Variants in KRT35 observed in about 807,000 individuals in gnomAD.
KRT35 encodes keratin, type I cuticular Ha5.
KRT35 carries 33 observed loss-of-function variants against 42.2 expected under a neutral mutation model. The observed-to-expected ratio is 0.78, with a 90% CI of 0.59 to 1.05. The LOEUF (loss-of-function observed/expected upper bound fraction) is 1.05, where lower values mean the gene tolerates loss of function less well. Among genes scored for constraint, KRT35 ranks in the 50% least tolerant of loss-of-function variants. KRT35 has a pLI of 0.00. For synonymous variants in KRT35, 218 were observed against 238.2 expected, an observed-to-expected ratio of 0.92 and a Z score of 0.78; for missense variants, 585 against 589.2, an observed-to-expected ratio of 0.99 and a Z score of 0.07.
At chr17:41,479,264 C>T in intron 3 of KRT35, 83 bp downstream of exon 3, 6 of 1,320,202 alleles carry the variant, frequency 4.5e-6, no homozygotes, top group Non-Finnish European at 6.0e-6. Context: ...TCACCTCATC[C>T]CCAATGCTCA....
At chr17:41,477,479 T>C (rs570136341) in intron 6 of KRT35, 39 bp downstream of exon 6, 1 of 1,608,056 alleles carries the variant, frequency 6.2e-7, no homozygotes, top group Admixed American at 1.7e-5. Context: ...ACTTGGTAGA[T>C]TGCAGTGAGA....
Position 41,479,752 on chromosome 17 carries a change from C to G in KRT35, c.501G>C (p.Arg167Ser), listed in dbSNP as rs1300471328. Residue 167 changes from arginine to serine, a missense_variant, in exon 2 of 7, where the codon AGG becomes AGC. Arg to Ser is a moderately radical substitution (Grantham distance 110, BLOSUM62 -1). Transcript: ENST00000246639. ...KTLCSKAENARLVVEIDNAKL... is the reference protein window; with the variant it reads ...KTLCSKAENASLVVEIDNAKL... ...TGGCATTGTCAATCTCCACCACCAG[C>G]CTGGCATTCTCAGCCTTGCTGCATA... 6.2e-7 allele frequency: 1 copy of G among 1,614,130 alleles called. No individual in the cohort carries two copies. Among genetic ancestry groups the G allele is most frequent in the East Asian group, 2.2e-5 (1 of 44,884 alleles).
chr17:41,478,364 G>A lies in KRT35; in HGVS notation c.996C>T (p.Ser332=), dbSNP rs1282541150. Residue 332 remains serine, a synonymous_variant, in exon 5 of 7, where the codon AGC becomes AGT. Transcript: ENST00000246639. The part of the protein sequence containing the change: ...ALEIELQAQH[S]MRDALESTLA... ...TCCACCCTGCCTTGGGGCTCACCATGCTGTGCTGAGCCTGCAGCTCAATCT... is the reference window on the plus strand; with the variant it reads ...TCCACCCTGCCTTGGGGCTCACCATACTGTGCTGAGCCTGCAGCTCAATCT... 5 of 1,612,984 alleles carry A rather than the reference G, an allele frequency of 3.1e-6. No individual in the cohort carries two copies. The Admixed American group carries it at 8.3e-5, about 27-fold the overall frequency.
chr17:41,480,012 T>C (rs1390394549), intron 1 of KRT35, among the ~76,000 whole-genome samples: 1 of 152,170 alleles, frequency 6.6e-6, no homozygotes, highest in Admixed American at 6.5e-5. Context: ...GATAGCTGCA[T>C]GAAAATGCAA....
chr17:41,477,297 A>G, intron 6 of KRT35, 94 bp from the exon 7 acceptor site: 1 of 1,456,092 alleles, frequency 6.9e-7, no homozygotes, highest in Non-Finnish European at 9.4e-7. Context: ...GAAGCACCCT[A>G]AAAACCACCT....
intron 4 of KRT35, 62 bp from the exon 5 acceptor site, chr17:41,478,548 A>G: frequency 6.3e-7 from 1 of 1,575,676 alleles, no homozygotes; most frequent in Non-Finnish European, 8.7e-7. Context: ...AGAGAGCTAC[A>G]GAGGCCGGTT....
At chr17:41,478,620 G>C (rs2144471900) in intron 4 of KRT35, 134 bp from the exon 5 acceptor site, 1 of 1,235,028 alleles carries the variant, frequency 8.1e-7, no homozygotes, top group South Asian at 1.5e-5. Flanking sequence ...TTTTATACTG[G>C]AGGGCATTGT....
In KRT35 at chr17:41,478,979, C is replaced by T. The variant is rs761727354; in HGVS notation, c.728G>A (p.Arg243His). The change falls in exon 4 of 7, where the codon CGC becomes CAC. Residue 243 changes from arginine (R) to histidine (H), a missense_variant. Transcript: ENST00000246639. ...KNHEEEVNSL[R>H]CQLGDRLNVE... ...ATTGAGGCGGTCACCAAGTTGGCAG[C>T]GCAGTGAGTTCACTTCCTATAGCAC... The T allele has an allele frequency of 4.6e-5, 75 of 1,613,012 alleles. No individual in the cohort carries two copies. Among genetic ancestry groups the T allele is most frequent in the East Asian group, 8.9e-5 (4 of 44,890 alleles).
At position 41,477,109 on chromosome 17, in the gene KRT35, T is replaced by C. The variant is rs2019181725; in HGVS notation, c.1315A>G (p.Thr439Ala). Residue 439 changes from threonine to alanine, a missense_variant, in exon 7 of 7, where the codon ACA becomes GCA. Transcript: ENST00000246639. ...AASCGPSAAR[T>A]NCSPRPICVP... ...CAAATGGGGCGGGGGCTGCAGTTTGTGCGGGCTGCACTAGGACCGCAGGAG... is the reference window on the plus strand; with the variant it reads ...CAAATGGGGCGGGGGCTGCAGTTTGCGCGGGCTGCACTAGGACCGCAGGAG... 1 of 1,608,984 alleles carries C rather than the reference T, an allele frequency of 6.2e-7. No individual in the cohort carries two copies. The highest frequency in any genetic ancestry group is 1.3e-5 in the African/African-American group (1 of 74,626).
chr17:41,477,779 G>T (rs933609172), intron 5 of KRT35, 41 bp from the exon 6 acceptor site: 10 of 1,583,120 alleles, frequency 6.3e-6, no homozygotes, highest in Non-Finnish European at 8.6e-6. Flanking sequence ...AAAGGCTAGA[G>T]GTCAGAGAAG....
chr17:41,479,025 T>G, intron 3 of KRT35, 30 bp from the exon 4 acceptor site: 1 of 1,588,502 alleles, frequency 6.3e-7, no homozygotes, highest in Non-Finnish European at 8.6e-7. Flanking sequence ...GAGTACTAAT[T>G]CCCAGAGGGC....
Position 41,479,517 on chromosome 17 carries a change from A to G in KRT35, c.555-14T>C. 6.2e-7 allele frequency: 1 copy of G among 1,612,144 alleles called. No individual in the cohort carries two copies. Reference sequence around the variant, plus strand: ...TCCGTCTCATACCTGCAGGCATAGAACAGGGCACCTGAGTCTGCATTTCCT... The same window carrying G: ...TCCGTCTCATACCTGCAGGCATAGAGCAGGGCACCTGAGTCTGCATTTCCT... On this transcript the variant is annotated splice_polypyrimidine_tract_variant and intron_variant, in intron 2 of 6. Coordinates refer to ENST00000246639, the MANE Select transcript of KRT35 (RefSeq NM_002280.6).
chr17:41,478,245 G>T, intron 5 of KRT35, 116 bp downstream of exon 5: 1 of 1,127,554 alleles, frequency 8.9e-7, no homozygotes, highest in Non-Finnish European at 1.2e-6. Context: ...AGAACCCCTG[G>T]TGCTCAAGAA....
chr17:41,479,678 A>T (rs1233879427), intron 2 of KRT35, 21 bp downstream of exon 2: 1 of 1,610,682 alleles, frequency 6.2e-7, no homozygotes, highest in Non-Finnish European at 8.5e-7. Flanking sequence ...CCCCAACCAC[A>T]TGACAAGCAG....
intron 4 of KRT35, 42 bp from the exon 5 acceptor site, chr17:41,478,528 A>T (rs570398924): frequency 6.2e-7 from 1 of 1,601,704 alleles, no homozygotes; most frequent in East Asian, 2.2e-5. Flanking sequence ...CACACCAGGG[A>T]CTTGGCTTCA....
rs201188742 is a variant in KRT35, at chr17:41,479,525, C to G, written c.555-22G>C. The G allele has an allele frequency of 8.7e-6, 14 of 1,608,552 alleles. No individual in the cohort carries two copies. The Admixed American group carries it at 2.2e-4, about 25-fold the overall frequency. On this transcript the variant is annotated intron_variant, in intron 2 of 6. Coordinates refer to ENST00000246639, the MANE Select transcript of KRT35 (RefSeq NM_002280.6). ...ATACCTGCAGGCATAGAACAGGGCA[C>G]CTGAGTCTGCATTTCCTTTTTGCAT...
intron 3 of KRT35, 81 bp downstream of exon 3, chr17:41,479,266 C>G (rs1597749802): frequency 6.7e-7 from 1 of 1,485,598 alleles, no homozygotes; most frequent in East Asian, 2.3e-5. Context: ...ACCTCATCCC[C>G]AATGCTCACC....
In KRT35 at chr17:41,477,599, T is replaced by C; in HGVS notation, c.1139A>G (p.Tyr380Cys). 1 of 1,614,204 alleles carries C rather than the reference T, an allele frequency of 6.2e-7. No individual in the cohort carries two copies. The highest frequency in any genetic ancestry group is 8.5e-7 in the Non-Finnish European group (1 of 1,180,038). ...RADLERQNQE[Y>C]QVLLDVRARL... ...GGCCCGGACGTCCAGCAGCACCTGG[T>C]ACTCCTGGTTCTGCCGCTCCAGGTC... Residue 380 changes from tyrosine (Y) to cysteine (C), a missense_variant, in exon 6 of 7, where the codon TAC (tyrosine) becomes TGC (cysteine). By Grantham distance (194) the Tyr-to-Cys change is radical. Transcript: ENST00000246639.
intron 1 of KRT35, 24 bp downstream of exon 1, chr17:41,480,603 C>T: frequency 6.3e-7 from 1 of 1,582,574 alleles, no homozygotes; most frequent in East Asian, 2.2e-5. Flanking sequence ...TCCTGGGAAT[C>T]CAAAGCCACT....
Sources: allele counts gnomAD v4.1 joint callset (sites outside exome capture counted in the v4.1 genomes callset), GRCh38; gene constraint gnomAD v4.1.1; transcripts MANE v1.5; gene names NCBI Gene and HGNC (gene_info 2026-07-23, HGNC 2026-07-21).